Variants in LPP observed in about 807,000 individuals in gnomAD.
The protein encoded by LPP is lipoma-preferred partner.
LPP carries 38 observed loss-of-function variants against 60.4 expected under a neutral mutation model. That is an observed-to-expected ratio of 0.63 (90% CI 0.49 to 0.83). The LOEUF (loss-of-function observed/expected upper bound fraction) is 0.83. Ranked by LOEUF, LPP falls within the 40% of genes least tolerant of loss-of-function variation. LPP has a pLI of 0.00. For missense variants in LPP, 902 were observed against 783.6 expected (o/e 1.15, Z -1.80); for synonymous variants, 328 against 290.8 (o/e 1.13, Z -1.30).
intron 6 of LPP, among the ~76,000 whole-genome samples, chr3:188,527,156 C>A (rs148381226): frequency 1.3e-5 from 2 of 151,960 alleles, no homozygotes; most frequent in Admixed American, 6.5e-5. Flanking sequence ...CTGGGACCAG[C>A]CTGGCCAACA....
chr3:188,503,065 A>AT (rs946767577), intron 5 of LPP, among the ~76,000 whole-genome samples: 61 of 151,756 alleles, frequency 4.0e-4, no homozygotes, highest in South Asian at 6.2e-4. Flanking sequence ...TTCCTATATA[A>AT]TTTTTTTTGT....
intron 7 of LPP, among the ~76,000 whole-genome samples, chr3:188,696,222 A>ACTCTCTCTCTCT (rs147482649): frequency 0.024 from 3,607 of 148,866 alleles, 53 homozygotes; most frequent in Middle Eastern, 0.045. Context: ...AGCACACAGT[A>ACTCTCTCTCTCT]CTCTCTCTCT....
At chr3:188,805,160 T>G (rs1748698150) in intron 9 of LPP, among the ~76,000 whole-genome samples, 1 of 152,066 alleles carries the variant, frequency 6.6e-6, no homozygotes, top group African/African-American at 2.4e-5. Context: ...GGTTTTCTTT[T>G]TTGGTAATAT....
intron 9 of LPP, among the ~76,000 whole-genome samples, chr3:188,794,269 G>A (rs1368766076): frequency 1.3e-5 from 2 of 152,182 alleles, no homozygotes; most frequent in African/African-American, 2.4e-5. Context: ...TAAAAGTGAG[G>A]CCCAGACATG....
At chr3:188,613,057 A>G (rs1157844898) in intron 7 of LPP, among the ~76,000 whole-genome samples, 1 of 152,118 alleles carries the variant, frequency 6.6e-6, no homozygotes, top group African/African-American at 2.4e-5. Flanking sequence ...TGTATTTCCT[A>G]TACCATCTGA....
At chr3:188,719,198 C>G (rs1715321957) in intron 8 of LPP, among the ~76,000 whole-genome samples, 1 of 152,086 alleles carries the variant, frequency 6.6e-6, no homozygotes, top group African/African-American at 2.4e-5. Context: ...ATTTCCTCCA[C>G]CTGTAGGTTT....
intron 1 of LPP, among the ~76,000 whole-genome samples, chr3:188,154,614 T>A (rs920469414): frequency 6.6e-6 from 1 of 152,146 alleles, no homozygotes; most frequent in Non-Finnish European, 1.5e-5. Context: ...GTCCTCCAAG[T>A]CCTCCCATTT....
intron 7 of LPP, among the ~76,000 whole-genome samples, chr3:188,624,895 T>C (rs190059945): frequency 2.0e-5 from 3 of 151,724 alleles, no homozygotes; most frequent in African/African-American, 7.2e-5. Context: ...TTTCCCTTCC[T>C]TCATTCCTTC....
At chr3:188,289,232 C>T (rs1745129583) in intron 2 of LPP, among the ~76,000 whole-genome samples, 1 of 152,128 alleles carries the variant, frequency 6.6e-6, no homozygotes, top group African/African-American at 2.4e-5. Flanking sequence ...AGGCTCTGTG[C>T]TGGCCACTGT....
chr3:188,434,570 A>G (rs565929020), intron 4 of LPP, among the ~76,000 whole-genome samples: 3 of 152,304 alleles, frequency 2.0e-5, no homozygotes, highest in Non-Finnish European at 4.4e-5. Context: ...ACAGCTATTT[A>G]AGCTAAATAT....
Position 188,872,753 on chromosome 3 carries a change from A to C in LPP, c.1700A>C (p.Tyr567Ser). The C allele has an allele frequency of 3.7e-6, 6 of 1,614,064 alleles. No homozygotes were observed. The highest frequency in any genetic ancestry group is 5.1e-6 in the Non-Finnish European group (6 of 1,180,000). The stretch of plus-strand genomic sequence containing the variant: ...GATCGAGATTTCCATGTTCACTGCT[A>C]CCGATGCGAGGTCTGGTTGACAGCC... ...ALDRDFHVHCYRCEDCGGLLS... is the reference protein window; with the variant it reads ...ALDRDFHVHCSRCEDCGGLLS... Residue 567 changes from tyrosine (Y) to serine (S), a missense_variant, in exon 11 of 12, where the codon TAC becomes TCC. Tyr to Ser is a moderately radical substitution (Grantham distance 144, BLOSUM62 -2). Transcript: ENST00000617246.
chr3:188,825,267 CTCTGTGTGTGTGTG>C (rs1435892719), intron 9 of LPP, among the ~76,000 whole-genome samples: 169 of 99,002 alleles, frequency 1.7e-3, no homozygotes, highest in African/African-American at 5.8e-3. Context: ...CTCTCTCTCT[CTCTGTGTGTGTGTG>C]TGTGTGTGTG....
At chr3:188,517,528 T>C (rs547971563) in intron 5 of LPP, among the ~76,000 whole-genome samples, 1 of 152,310 alleles carries the variant, frequency 6.6e-6, no homozygotes, top group Non-Finnish European at 1.5e-5. Context: ...GCTTGGTGCC[T>C]GTATGAGTCT....
intron 8 of LPP, chr3:188,746,538 C>T (rs1352501256): frequency 2.0e-6 from 1 of 488,226 alleles, no homozygotes; most frequent in Admixed American, 2.3e-5. Context: ...TGCTGAAGAC[C>T]TTCAACTTTG....
At chr3:188,240,199 T>C (rs560038450) in intron 2 of LPP, 5 of 180,242 alleles carry the variant, frequency 2.8e-5, no homozygotes, top group South Asian at 2.0e-4. Flanking sequence ...GTGTGTTTCA[T>C]TTTCCTTTCA....
chr3:188,270,998 A>G (rs1028299722), intron 2 of LPP, among the ~76,000 whole-genome samples: 11 of 152,038 alleles, frequency 7.2e-5, no homozygotes, highest in African/African-American at 2.7e-4. Flanking sequence ...GATTTCTACT[A>G]TTTCTGTTTT....
intron 8 of LPP, among the ~76,000 whole-genome samples, chr3:188,718,174 A>C (rs1714852921): frequency 6.6e-6 from 1 of 152,236 alleles, no homozygotes; most frequent in South Asian, 2.1e-4. Flanking sequence ...AGAGTAAAGA[A>C]GAATGTGATC....
intron 3 of LPP, among the ~76,000 whole-genome samples, chr3:188,387,566 ATTT>A (rs57960044): frequency 1.5e-3 from 194 of 133,762 alleles, no homozygotes; most frequent in Middle Eastern, 3.9e-3. Context: ...TCAGAGGTTA[ATTT>A]TTTTTTTTTT....
intron 1 of LPP, among the ~76,000 whole-genome samples, chr3:188,174,037 G>A (rs750731429): frequency 5.3e-5 from 8 of 152,102 alleles, no homozygotes; most frequent in East Asian, 1.9e-4. Context: ...TAAGCAAACC[G>A]TTGTGCCCAC....
Sources: allele counts gnomAD v4.1 joint callset (sites outside exome capture counted in the v4.1 genomes callset), GRCh38; gene constraint gnomAD v4.1.1; transcripts MANE v1.5; gene names NCBI Gene and HGNC (gene_info 2026-07-23, HGNC 2026-07-21).